CHAT: variants seen among roughly 807,000 people sequenced by gnomAD.
CHAT encodes choline O-acetyltransferase.
CHAT carries 61 observed loss-of-function variants against 76.9 expected under a neutral mutation model. The ratio of observed to expected loss-of-function variants is 0.79; its 90% CI spans 0.65 to 0.98. The LOEUF (loss-of-function observed/expected upper bound fraction) is 0.98. CHAT is among the 50% of genes least tolerant of loss of function. The probability of loss-of-function intolerance (pLI) is 0.00; values close to 1 mark genes in which losing one functional copy is unlikely to be tolerated. For synonymous variants in CHAT, 407 were observed against 397.4 expected (o/e 1.02, Z -0.29); for missense variants, 946 against 986.9 (o/e 0.96, Z 0.56).
intron 7 of CHAT, among the ~76,000 whole-genome samples, chr10:49,633,837 A>G (rs1364532955): frequency 6.6e-6 from 1 of 152,160 alleles, no homozygotes; most frequent in Non-Finnish European, 1.5e-5. Flanking sequence ...CAGTCCCGTA[A>G]ATATTTATCC....
chr10:49,638,020 A>G (rs937232910), intron 7 of CHAT, among the ~76,000 whole-genome samples: 1 of 152,236 alleles, frequency 6.6e-6, no homozygotes, highest in African/African-American at 2.4e-5. Flanking sequence ...TCGTTCTAAC[A>G]ACTGTTGAGA....
intron 8 of CHAT, chr10:49,646,972 CCTGG>C: frequency 2.1e-6 from 1 of 483,834 alleles, no homozygotes; most frequent in Non-Finnish European, 3.8e-6. Context: ...CTGGGCCAGA[CCTGG>C]GGCCCATTTC....
chr10:49,645,248 A>G (rs1839618843), intron 7 of CHAT, among the ~76,000 whole-genome samples: 1 of 152,120 alleles, frequency 6.6e-6, no homozygotes, highest in Non-Finnish European at 1.5e-5. Flanking sequence ...TGCAAATGCC[A>G]TGCACCCATC....
intron 13 of CHAT, among the ~76,000 whole-genome samples, chr10:49,659,677 C>T (rs539246099): frequency 6.6e-6 from 1 of 152,228 alleles, no homozygotes; most frequent in East Asian, 1.9e-4. Context: ...GCCTGGCCAA[C>T]ATGGCAAAAC....
upstream of CHAT, chr10:49,611,353 C>T (rs1410146758): frequency 2.5e-6 from 4 of 1,600,718 alleles, no homozygotes; most frequent in Non-Finnish European, 3.4e-6. Flanking sequence ...CGATAAGTAC[C>T]CGGAGGAGCC....
chr10:49,620,458 G>A, intron 3 of CHAT, 37 bp from the exon 4 acceptor site: 11 of 1,389,170 alleles, frequency 7.9e-6, no homozygotes, highest in Non-Finnish European at 1.1e-5. Context: ...GGGACTGTTT[G>A]GGGGGATGTG....
At chr10:49,614,514 G>T (rs1396475523) in intron 1 of CHAT, 39 bp downstream of exon 1, 5 of 1,529,694 alleles carry the variant, frequency 3.3e-6, no homozygotes, top group Non-Finnish European at 4.4e-6. Context: ...GGAGCGCGGT[G>T]CCGGGAGCAA....
chr10:49,664,725 C>G (rs1840299064), intron 14 of CHAT, 52 bp from the exon 15 acceptor site: 1 of 1,612,524 alleles, frequency 6.2e-7, no homozygotes. Context: ...CCAGTCGAGG[C>G]TGGCGGGCTG....
At chr10:49,627,460 G>T (rs912302159) in intron 6 of CHAT, 148 bp from the exon 7 acceptor site, 7 of 821,648 alleles carry the variant, frequency 8.5e-6, no homozygotes, top group African/African-American at 6.7e-5. Flanking sequence ...GCCTTGGCTT[G>T]GTCCCTAAAC....
chr10:49,655,257 C>T (rs370722687), intron 12 of CHAT, 21 bp downstream of exon 12: 29 of 1,613,888 alleles, frequency 1.8e-5, no homozygotes, highest in African/African-American at 8.0e-5. Context: ...CCCCACCCCA[C>T]GGCCACAGGA....
chr10:49,612,559 G>T, upstream of CHAT: 1 of 549,574 alleles, frequency 1.8e-6, no homozygotes, highest in Non-Finnish European at 3.2e-6. Context: ...CGAAGCCATC[G>T]CGCTCCTTGC....
chr10:49,614,561 G>A, intron 1 of CHAT, 86 bp downstream of exon 1: 2 of 1,191,712 alleles, frequency 1.7e-6, no homozygotes, highest in South Asian at 1.4e-5. Context: ...GGACAGCACC[G>A]GGGCCGAGAG....
rs1192721467 is a variant in CHAT, at chr10:49,614,315, C to T, written c.126C>T (p.Arg42=). 4.5e-6 allele frequency: 7 copies of T among 1,547,648 alleles called. No individual in the cohort carries two copies. The highest frequency in any genetic ancestry group is 3.5e-6 in the Non-Finnish European group (4 of 1,146,204). The part of the protein sequence containing the change: ...RPACFLQSGG[R]GDPGDVGGPA... Reference sequence around the variant, plus strand: ...CTTGCTTTCTCCAGTCGGGTGGCCGCGGGGACCCGGGCGACGTCGGAGGCC... The same window carrying T: ...CTTGCTTTCTCCAGTCGGGTGGCCGTGGGGACCCGGGCGACGTCGGAGGCC... Residue 42 remains arginine, a synonymous_variant, in exon 1 of 15, where the codon CGC becomes CGT. Coordinates refer to ENST00000337653, the MANE Select transcript of CHAT (RefSeq NM_020549.5).
Position 49,619,902 on chromosome 10 carries a change from A to G in CHAT, c.565A>G (p.Lys189Glu). The change falls in exon 3 of 15, where the codon AAG becomes GAG. Residue 189 changes from lysine (K) to glutamate (E), a missense_variant. By Grantham distance (56) the Lys-to-Glu change is moderately conservative. Transcript: ENST00000337653. ...GCAGAAACTCCTGGAGCGGCAGGAG[A>G]AGACAGCCAACTGGGTAAGAGGGGC... ...LQQKLLERQE[K>E]TANWVSEYWL... is the part of the protein sequence containing the mutation. The G allele has an allele frequency of 6.2e-7, 1 of 1,611,830 alleles. No individual in the cohort carries two copies. The highest frequency in any genetic ancestry group is 8.5e-7 in the Non-Finnish European group (1 of 1,179,362).
intron 7 of CHAT, among the ~76,000 whole-genome samples, chr10:49,643,172 T>C (rs1018615854): frequency 1.3e-5 from 2 of 152,270 alleles, no homozygotes; most frequent in African/African-American, 4.8e-5. Flanking sequence ...TATGCATCAA[T>C]ATGCATGTTT....
intron 10 of CHAT, among the ~76,000 whole-genome samples, chr10:49,651,539 G>A (rs1374097031): frequency 1.3e-5 from 2 of 152,206 alleles, no homozygotes; most frequent in South Asian, 2.1e-4. Flanking sequence ...CTGTTACTCC[G>A]ACAGTGAATT....
At position 49,614,129 on chromosome 10, in the gene CHAT, C is replaced by G. The variant is rs1590549748; in HGVS notation, c.-61C>G. On this transcript the variant is annotated 5_prime_UTR_variant, in exon 1 of 15. Transcript: ENST00000337653. ...TTGTTGCCCGAGTTCCTCCGGGAAGCGCTCCGGGTAGATTCTGGGGGCCGG... is the reference window on the plus strand; with the variant it reads ...TTGTTGCCCGAGTTCCTCCGGGAAGGGCTCCGGGTAGATTCTGGGGGCCGG... The G allele has an allele frequency of 1.9e-6, 3 of 1,540,380 alleles. No homozygotes were observed. Among genetic ancestry groups the G allele is most frequent in the East Asian group, 5.0e-5 (2 of 40,322 alleles).
intron 10 of CHAT, among the ~76,000 whole-genome samples, chr10:49,650,724 G>A (rs778407768): frequency 1.3e-5 from 2 of 152,190 alleles, no homozygotes; most frequent in Non-Finnish European, 2.9e-5. Context: ...CTGTGGGAAG[G>A]GCACATGTGA....
Position 49,661,381 on chromosome 10 carries a change from T to C in CHAT, c.1840-1264T>C, listed in dbSNP as rs79423096. ...TTAAAAGAGTAGTCTCCTTCATAGA[T>C]GGGCTCACCGTTCTTTCCTTCGGTC... On this transcript the variant is annotated intron_variant, in intron 13 of 14. Coordinates refer to ENST00000337653, the MANE Select transcript of CHAT (RefSeq NM_020549.5). 16 of 152,324 alleles carry C rather than the reference T, an allele frequency of 1.1e-4. No individual in the cohort carries two copies. The East Asian group carries it at 2.9e-3, about 28-fold the overall frequency. The allele number at this position is 152,324 out of a possible 1,614,324, so 9.4% of individuals were successfully genotyped here. A position where few individuals can be genotyped will look rare whatever the true frequency, so the allele number is the denominator to read the frequency against.
Sources: allele counts gnomAD v4.1 joint callset (sites outside exome capture counted in the v4.1 genomes callset), GRCh38; gene constraint gnomAD v4.1.1; transcripts MANE v1.5; gene names NCBI Gene and HGNC (gene_info 2026-07-23, HGNC 2026-07-21).